EPHA3: variants seen among roughly 807,000 people sequenced by gnomAD.
EPHA3 encodes the protein EPH receptor A3.
A neutral mutation model predicts 107.1 loss-of-function variants in EPHA3; 42 were observed. That is an observed-to-expected ratio of 0.39 (90% CI 0.31 to 0.51). EPHA3 has a LOEUF of 0.51. Ranked by LOEUF, EPHA3 falls within the 20% of genes least tolerant of loss-of-function variation. The pLI is 0.78. For synonymous variants in EPHA3, 461 were observed against 424.8 expected (o/e 1.09, Z -1.05); for missense variants, 1,183 against 1,211.2 (o/e 0.98, Z 0.35).
chr3:89,433,180 T>C (rs376709200), intron 13 of EPHA3, among the ~76,000 whole-genome samples: 2 of 152,288 alleles, frequency 1.3e-5, no homozygotes, highest in South Asian at 2.1e-4. Flanking sequence ...TAGTTTGTTA[T>C]CAATTTTCTC....
At chr3:89,136,344 T>TTTTTTTTTTTTA (rs1704313582) in intron 2 of EPHA3, among the ~76,000 whole-genome samples, 1 of 137,268 alleles carries the variant, frequency 7.3e-6, no homozygotes, top group Non-Finnish European at 1.6e-5. Flanking sequence ...TTTTTTTTTT[T>TTTTTTTTTTTTA]TTTTTTTTTT....
At chr3:89,475,906 G>A (rs180694866) in intron 16 of EPHA3, among the ~76,000 whole-genome samples, 4 of 146,824 alleles carry the variant, frequency 2.7e-5, no homozygotes, top group African/African-American at 9.9e-5. Flanking sequence ...AGCAGCAACT[G>A]GGGGTTCCAA....
intron 2 of EPHA3, among the ~76,000 whole-genome samples, chr3:89,157,249 A>G (rs1360540172): frequency 2.6e-5 from 4 of 152,078 alleles, no homozygotes; most frequent in African/African-American, 9.7e-5. Flanking sequence ...CTGCTTTAGA[A>G]AAAGCAAGAT....
chr3:89,316,508 ATATATAT>A (rs1706908707), intron 3 of EPHA3, among the ~76,000 whole-genome samples: 3 of 62,802 alleles, frequency 4.8e-5, no homozygotes, highest in South Asian at 3.2e-4. Flanking sequence ...TGTGTGTAAT[ATATATAT>A]ATATATATAT....
chr3:89,425,616 A>G (rs1372316716), intron 11 of EPHA3, among the ~76,000 whole-genome samples: 2 of 151,578 alleles, frequency 1.3e-5, no homozygotes, highest in Non-Finnish European at 3.0e-5. Context: ...ATAATGTTTC[A>G]ATATCTGATA....
At chr3:89,439,729 A>G (rs1164573668) in intron 13 of EPHA3, among the ~76,000 whole-genome samples, 2 of 143,742 alleles carry the variant, frequency 1.4e-5, no homozygotes, top group Non-Finnish European at 3.0e-5. Flanking sequence ...TAAGGCACAC[A>G]CACACACACA....
At chr3:89,186,594 T>C (rs1478544692) in intron 2 of EPHA3, among the ~76,000 whole-genome samples, 1 of 152,130 alleles carries the variant, frequency 6.6e-6, no homozygotes, top group Non-Finnish European at 1.5e-5. Context: ...ATTACATTTA[T>C]TAGCCCTAAA....
At chr3:89,109,048 A>G (rs947775464) in intron 1 of EPHA3, among the ~76,000 whole-genome samples, 8 of 152,162 alleles carry the variant, frequency 5.3e-5, no homozygotes, top group African/African-American at 1.7e-4. Flanking sequence ...AAAGTTTTTT[A>G]TTAAATGTAA....
chr3:89,201,440 C>T (rs1246756717), intron 2 of EPHA3, among the ~76,000 whole-genome samples: 1 of 152,094 alleles, frequency 6.6e-6, no homozygotes, highest in East Asian at 1.9e-4. Flanking sequence ...GTCATGTGTA[C>T]AATAATCATA....
chr3:89,302,541 G>T (rs1706515668), intron 3 of EPHA3, among the ~76,000 whole-genome samples: 1 of 152,072 alleles, frequency 6.6e-6, no homozygotes, highest in Admixed American at 6.6e-5. Flanking sequence ...ATTACAGTCA[G>T]GGGCAAAGTG....
chr3:89,200,917 G>T (rs1399991407), intron 2 of EPHA3, among the ~76,000 whole-genome samples: 2 of 152,150 alleles, frequency 1.3e-5, no homozygotes, highest in Non-Finnish European at 2.9e-5. Flanking sequence ...GTCCAGGGCT[G>T]GCTCCTGCCT....
chr3:89,251,896 A>G (rs1705174402), intron 3 of EPHA3, among the ~76,000 whole-genome samples: 2 of 152,204 alleles, frequency 1.3e-5, no homozygotes, highest in African/African-American at 2.4e-5. Context: ...GGCCATCTCT[A>G]TTTTAAAGTA....
In EPHA3 at chr3:89,268,464, T is replaced by C. The variant is rs145767840; in HGVS notation, c.814+57944T>C. Among the ~76,000 whole-genome samples, 1,052 of 152,256 alleles carry C rather than the reference T, an allele frequency of 6.9e-3. 8 individuals carry two copies. Among genetic ancestry groups the C allele is most frequent in the Non-Finnish European group, 0.011 (761 of 67,998 alleles). On this transcript the variant is annotated intron_variant, in intron 3 of 16. Coordinates refer to ENST00000336596, the MANE Select transcript of EPHA3 (RefSeq NM_005233.6). Reference sequence around the variant, plus strand: ...CAGAAATTTAAAGGGATACTTCAAGTTTCTAAAAACTCCAAATTTTATTTT... The same window carrying C: ...CAGAAATTTAAAGGGATACTTCAAGCTTCTAAAAACTCCAAATTTTATTTT...
At position 89,451,906 on chromosome 3, in the gene EPHA3, T is replaced by G. The variant is rs1366826807; in HGVS notation, c.2690+1536T>G. On this transcript the variant is annotated intron_variant, in intron 15 of 16. Coordinates refer to ENST00000336596, the MANE Select transcript of EPHA3 (RefSeq NM_005233.6). ...GTGTGTGTGTGTGTGTGTGTGTGTG[T>G]TTGTGTGTGTGTGTGTTGGTGAGTG... Among the ~76,000 whole-genome samples, 6 of 151,472 alleles carry G rather than the reference T, an allele frequency of 4.0e-5. No homozygotes were observed. The East Asian group carries it at 1.2e-3, about 29-fold the overall frequency.
chr3:89,346,392 G>GT (rs1487111174), intron 5 of EPHA3, among the ~76,000 whole-genome samples: 1 of 142,834 alleles, frequency 7.0e-6, no homozygotes, highest in Admixed American at 7.0e-5. Flanking sequence ...TTTTTCATGT[G>GT]TTTTTTGGCT....
chr3:89,460,823 C>CTCTTTTTTTTTTTT (rs1199238290), intron 15 of EPHA3, among the ~76,000 whole-genome samples: 630 of 101,548 alleles, frequency 6.2e-3, no homozygotes, highest in Non-Finnish European at 7.5e-3. Flanking sequence ...CTCTGTCTCT[C>CTCTTTTTTTTTTTT]TTTTTTTTTT....
chr3:89,416,871 C>T (rs1357645762), intron 10 of EPHA3, among the ~76,000 whole-genome samples: 1 of 151,404 alleles, frequency 6.6e-6, no homozygotes, highest in Non-Finnish European at 1.5e-5. Flanking sequence ...CTTTTCATAT[C>T]TCTAGTATGC....
intron 3 of EPHA3, among the ~76,000 whole-genome samples, chr3:89,267,892 G>T (rs1411677662): frequency 6.6e-6 from 1 of 152,066 alleles, no homozygotes; most frequent in African/African-American, 2.4e-5. Context: ...AAACTGACAG[G>T]ATAACATTTT....
At chr3:89,111,084 C>CT (rs201274900) in intron 1 of EPHA3, among the ~76,000 whole-genome samples, 9 of 151,714 alleles carry the variant, frequency 5.9e-5, no homozygotes, top group East Asian at 5.8e-4. Context: ...TTTTTAAAGA[C>CT]TTTTTTTAGT....
Sources: gnomAD v4.1 joint callset for allele counts (sites outside exome capture counted in the v4.1 genomes callset) on GRCh38, gnomAD v4.1.1 for gene constraint, MANE v1.5 for transcripts, NCBI Gene and HGNC (gene_info 2026-07-23, HGNC 2026-07-21) for gene names.